Variants in OVCH2 observed in about 807,000 individuals in gnomAD.
The protein encoded by OVCH2 is ovochymase-2.
A neutral mutation model predicts 73.7 loss-of-function variants in OVCH2; 88 were observed. The observed-to-expected ratio is 1.19, with a 90% CI of 1.01 to 1.43. OVCH2 has a LOEUF of 1.43. OVCH2 is among the 40% of genes most tolerant of loss of function. The pLI, the probability that OVCH2 is intolerant of heterozygous loss-of-function variation, is 0.00. For synonymous variants in OVCH2, 265 were observed against 234.5 expected (o/e 1.13, Z -1.19); for missense variants, 706 against 674.5 (o/e 1.05, Z -0.52).
At chr11:7,702,458 A>C (rs866921383) in intron 3 of OVCH2, 129 bp from the exon 4 acceptor site, 1 of 733,072 alleles carries the variant, frequency 1.4e-6, no homozygotes, top group South Asian at 2.1e-5. Context: ...CTGAGCAGAG[A>C]AAGTGAGAAT....
intron 8 of OVCH2, 113 bp from the exon 9 acceptor site, chr11:7,696,912 C>G: frequency 1.1e-6 from 1 of 945,264 alleles, no homozygotes; most frequent in South Asian, 1.6e-5. Flanking sequence ...ATGTACTCTT[C>G]GTTCTTCATG....
At chr11:7,699,260 T>G (rs1856391163) in intron 7 of OVCH2, 1 of 156,168 alleles carries the variant, frequency 6.4e-6, no homozygotes, top group African/African-American at 2.4e-5. Flanking sequence ...AACAATTAAG[T>G]TGGATTTGGA....
the OVCH2 span, among the ~76,000 whole-genome samples, chr11:7,680,519 G>C: frequency 6.6e-6 from 1 of 152,316 alleles, no homozygotes; most frequent in East Asian, 1.9e-4. Context: ...CAGTAGAAGA[G>C]AGTCAGAAGA....
intron 12 of OVCH2, among the ~76,000 whole-genome samples, chr11:7,694,274 T>C (rs1589874056): frequency 6.6e-6 from 1 of 152,208 alleles, no homozygotes; most frequent in African/African-American, 2.4e-5. Context: ...CATTAGTGTT[T>C]AATGAACAAA....
At chr11:7,683,472 T>C in the OVCH2 span, among the ~76,000 whole-genome samples, 11 of 152,288 alleles carry the variant, frequency 7.2e-5, no homozygotes, top group African/African-American at 2.4e-4. Context: ...TCTTAATATC[T>C]TACCTTGATT....
Position 7,695,124 on chromosome 11 carries a change from A to C in OVCH2, c.1347T>G (p.Pro449=), listed in dbSNP as rs1167168037. 8 of 1,554,306 alleles carry C rather than the reference A, an allele frequency of 5.1e-6. No homozygotes were observed. Among genetic ancestry groups the C allele is most frequent in the Middle Eastern group, 1.7e-4 (1 of 6,020 alleles). Residue 449 remains proline, a synonymous_variant, in exon 12 of 16, where the codon CCT becomes CCG. Transcript: ENST00000533663. Reference sequence around the variant, plus strand: ...AGTTAGCCTTGTCACTGTAGTTTTCAGGATAGTTTAGACTCTGTATGAGAC... The same window carrying C: ...AGTTAGCCTTGTCACTGTAGTTTTCCGGATAGTTTAGACTCTGTATGAGAC... ...EEGLIQSLNY[P]ENYSDKANCD...
At position 7,695,581 on chromosome 11, in the gene OVCH2, T is replaced by C; in HGVS notation, c.1271A>G (p.Asn424Ser). Reference sequence around the variant, plus strand: ...GTAAATGGTTTTACCAGGAATGTAGTTTGGTTTAAGAGCTTTATAGGTAAG... The same window carrying C: ...GTAAATGGTTTTACCAGGAATGTAGCTTGGTTTAAGAGCTTTATAGGTAAG... ...FNLTYKALKPNYIPDSGCSYL... is the reference protein window; with the variant it reads ...FNLTYKALKPSYIPDSGCSYL... The change falls in exon 11 of 16, where the codon AAC (asparagine) becomes AGC (serine). Residue 424 changes from asparagine (N) to serine (S), a missense_variant. Transcript: ENST00000533663. The C allele has an allele frequency of 6.2e-6, 10 of 1,613,252 alleles. No homozygotes were observed. Among genetic ancestry groups the C allele is most frequent in the Non-Finnish European group, 5.9e-6 (7 of 1,179,374 alleles).
rs185462888 is a variant in OVCH2 at position 7,695,074 on chromosome 11, T to C, written c.1397A>G (p.Lys466Arg). ...AGTCAATACCTTAATTAGGTGATGT[T>C]TGGAGGCTTGAAAAATCCAGTCACA... Reference protein sequence around the residue: ...ANCDWIFQASKHHLIKLSFQS... With the variant: ...ANCDWIFQASRHHLIKLSFQS... Residue 466 changes from lysine (K) to arginine (R), a missense_variant, in exon 12 of 16, where the codon AAA becomes AGA. Coordinates refer to ENST00000533663, the MANE Select transcript of OVCH2 (RefSeq NM_198185.7). The C allele has an allele frequency of 8.8e-5, 137 of 1,551,128 alleles. 1 individual carries two copies. The African/African-American group carries it at 9.6e-4, about 11-fold the overall frequency.
At chr11:7,697,478 T>A (rs2136156993) in intron 8 of OVCH2, among the ~76,000 whole-genome samples, 1 of 152,324 alleles carries the variant, frequency 6.6e-6, no homozygotes, top group African/African-American at 2.4e-5. Context: ...AGATGTCATC[T>A]CTACATTTCT....
At chr11:7,705,452 C>T (rs1271716685) in intron 1 of OVCH2, 1 of 152,186 alleles carries the variant, frequency 6.6e-6, no homozygotes, top group African/African-American at 2.4e-5. Flanking sequence ...GATGGACAAA[C>T]AAATGACTTT....
At position 7,702,241 on chromosome 11, in the gene OVCH2, C is replaced by G; in HGVS notation, c.379G>C (p.Val127Leu). 1.2e-6 allele frequency: 2 copies of G among 1,612,858 alleles called. No individual in the cohort carries two copies. Among genetic ancestry groups the G allele is most frequent in the South Asian group, 1.1e-5 (1 of 90,924 alleles). Residue 127 changes from valine (V) to leucine (L), a missense_variant, in exon 4 of 16, where the codon GTC (valine) becomes CTC (leucine). Coordinates refer to ENST00000533663, the MANE Select transcript of OVCH2 (RefSeq NM_198185.7). ...PGEQTLTIET[V>L]IIHPHFSTKK... ...GTGGAGAAATGTGGATGTATGATGA[C>G]AGTTTCAATAGTGAGAGTTTGCTCT...
chr11:7,682,205 C>T, the OVCH2 span, among the ~76,000 whole-genome samples: 7 of 152,162 alleles, frequency 4.6e-5, no homozygotes, highest in South Asian at 6.2e-4. Flanking sequence ...GAAAAAATCT[C>T]GGAAAGATTC....
In OVCH2 at chr11:7,701,173, C is replaced by T; in HGVS notation, c.711+151G>A. 4.8e-6 allele frequency: 5 copies of T among 1,037,202 alleles called. No individual in the cohort carries two copies. In the South Asian group the frequency reaches 7.5e-5, roughly 16 times the overall value. 64.2% of individuals were successfully genotyped at this position (1,037,202 alleles called of 1,614,324 possible). A position where few individuals can be genotyped will look rare whatever the true frequency, so the allele number is the denominator to read the frequency against. ...TCACACATTTAACTAACTATTTGACCCTTATAGCTTCTTCAAGACTATTCT... is the reference window on the plus strand; with the variant it reads ...TCACACATTTAACTAACTATTTGACTCTTATAGCTTCTTCAAGACTATTCT... On this transcript the variant is annotated intron_variant, in intron 6 of 15. Transcript: ENST00000533663.
chr11:7,694,335 C>T (rs1490204550), intron 12 of OVCH2, among the ~76,000 whole-genome samples: 1 of 152,052 alleles, frequency 6.6e-6, no homozygotes, highest in Non-Finnish European at 1.5e-5. Context: ...CATTTCCAGG[C>T]GTTCAAAGGC....
Position 7,695,098 on chromosome 11 carries a change from C to G in OVCH2, c.1373G>C (p.Cys458Ser). 1 of 1,551,970 alleles carries G rather than the reference C, an allele frequency of 6.4e-7. No individual in the cohort carries two copies. The highest frequency in any genetic ancestry group is 1.2e-5 in the South Asian group (1 of 83,952). ...YPENYSDKAN[C>S]DWIFQASKHH... The stretch of plus-strand genomic sequence containing the variant: ...TTTGGAGGCTTGAAAAATCCAGTCA[C>G]AGTTAGCCTTGTCACTGTAGTTTTC... The change falls in exon 12 of 16, where the codon TGT (cysteine) becomes TCT (serine). Residue 458 changes from cysteine to serine, a missense_variant. Transcript: ENST00000533663.
At chr11:7,699,981 A>C (rs1856404845) in intron 7 of OVCH2, 1 of 269,576 alleles carries the variant, frequency 3.7e-6, no homozygotes, top group Admixed American at 4.8e-5. Flanking sequence ...AATGGTGAGC[A>C]CTCTGGACTC....
At chr11:7,692,055 T>C (rs1303542936) in intron 12 of OVCH2, 60 bp from the exon 13 acceptor site, 2 of 1,260,094 alleles carry the variant, frequency 1.6e-6, no homozygotes, top group Non-Finnish European at 2.2e-6. Context: ...CTGACTTTGA[T>C]TCAGCAGAGA....
intron 3 of OVCH2, among the ~76,000 whole-genome samples, chr11:7,702,544 T>C (rs1397843078): frequency 6.6e-6 from 1 of 152,158 alleles, no homozygotes; most frequent in Non-Finnish European, 1.5e-5. Context: ...GGTTCATATA[T>C]AGCCAAGGAT....
intron 4 of OVCH2, 117 bp downstream of exon 4, chr11:7,702,040 C>A (rs1856450724): frequency 1.0e-6 from 1 of 992,042 alleles, no homozygotes; most frequent in Non-Finnish European, 1.5e-6. Context: ...GACTCTCCAG[C>A]CTAAATTCCT....
Sources: allele counts gnomAD v4.1 joint callset (sites outside exome capture counted in the v4.1 genomes callset), GRCh38; gene constraint gnomAD v4.1.1; transcripts MANE v1.5; gene names NCBI Gene and HGNC (gene_info 2026-07-23, HGNC 2026-07-21).